NTRK1: variants seen among roughly 807,000 people sequenced by gnomAD.
NTRK1 encodes the protein neurotrophic receptor tyrosine kinase 1.
In NTRK1, 62 loss-of-function variants were observed where a neutral mutation model predicts 86.8. The ratio of observed to expected loss-of-function variants is 0.71; its 90% CI spans 0.58 to 0.88. NTRK1 has a LOEUF of 0.88. NTRK1 is among the 40% of genes least tolerant of loss of function. The probability of loss-of-function intolerance (pLI) is 0.00; values close to 1 mark genes in which losing one functional copy is unlikely to be tolerated. For synonymous variants in NTRK1, 469 were observed against 456.6 expected, an observed-to-expected ratio of 1.03 and a Z score of -0.35; for missense variants, 967 against 1,078.4, an observed-to-expected ratio of 0.90 and a Z score of 1.45.
rs139606876 is a variant in NTRK1 at position 156,876,567 on chromosome 1, C to T, written c.1800C>T (p.Phe600=). The T allele has an allele frequency of 9.3e-6, 15 of 1,611,598 alleles. No individual in the cohort carries two copies. The highest frequency in any genetic ancestry group is 1.3e-5 in the Non-Finnish European group (15 of 1,179,492). ...TGCGGCACGGGGACCTCAACCGCTT[C>T]CTCCGGTACCAGCACCTGGCCTCAG... ...EYMRHGDLNR[F]LRSHGPDAKL... is the part of the protein sequence containing the mutation. Residue 600 remains phenylalanine (F), a synonymous_variant, in exon 14 of 17, where the codon TTC becomes TTT. Coordinates refer to ENST00000524377, the MANE Select transcript of NTRK1 (RefSeq NM_002529.4).
At chr1:156,820,111 G>A (rs2102832101) in intron 1 of NTRK1, among the ~76,000 whole-genome samples, 1 of 152,134 alleles carries the variant, frequency 6.6e-6, no homozygotes, top group East Asian at 1.9e-4. Context: ...TTTCAGCCCT[G>A]AGATTTAAGT....
At chr1:156,817,168 A>G (rs1304570025) in intron 1 of NTRK1, among the ~76,000 whole-genome samples, 1 of 151,868 alleles carries the variant, frequency 6.6e-6, no homozygotes, top group Non-Finnish European at 1.5e-5. Context: ...TGTCAACCTC[A>G]AGGATAAGCC....
chr1:156,823,992 C>T (rs1654256470), intron 1 of NTRK1, among the ~76,000 whole-genome samples: 1 of 152,184 alleles, frequency 6.6e-6, no homozygotes, highest in Non-Finnish European at 1.5e-5. Flanking sequence ...AGTGCTGGGC[C>T]TGGATGAGGC....
intron 3 of NTRK1, among the ~76,000 whole-genome samples, chr1:156,866,658 C>T (rs1655945422): frequency 2.0e-5 from 3 of 152,160 alleles, no homozygotes; most frequent in Non-Finnish European, 2.9e-5. Flanking sequence ...ATCCCCCTCC[C>T]TGGGGTCTGG....
intron 6 of NTRK1, among the ~76,000 whole-genome samples, chr1:156,870,112 A>C (rs936439472): frequency 2.0e-5 from 3 of 152,224 alleles, no homozygotes; most frequent in Non-Finnish European, 4.4e-5. Context: ...AGTGAGTAAA[A>C]GAAAGGGGAC....
intron 3 of NTRK1, among the ~76,000 whole-genome samples, chr1:156,865,715 T>C (rs1655899682): frequency 6.6e-6 from 1 of 152,138 alleles, no homozygotes; most frequent in Non-Finnish European, 1.5e-5. Context: ...GGTCATGGGA[T>C]GGGCAGGAGA....
intron 1 of NTRK1, chr1:156,816,186 G>C (rs1653914042): frequency 1.3e-6 from 2 of 1,496,784 alleles, no homozygotes; most frequent in Admixed American, 2.4e-5. Context: ...AGGGGATCTG[G>C]AGGGCTGGGA....
At chr1:156,870,708 T>C (rs1647502174) in intron 6 of NTRK1, among the ~76,000 whole-genome samples, 1 of 152,204 alleles carries the variant, frequency 6.6e-6, no homozygotes, top group Non-Finnish European at 1.5e-5. Context: ...ATAAATGAGA[T>C]TTATCCACCA....
At chr1:156,863,106 C>T (rs1655755301) in intron 1 of NTRK1, among the ~76,000 whole-genome samples, 1 of 152,134 alleles carries the variant, frequency 6.6e-6, no homozygotes, top group Non-Finnish European at 1.5e-5. Flanking sequence ...CATGTCACTA[C>T]AGGGCAGCCG....
rs199628251 is a variant in NTRK1, at chr1:156,868,166, A to G, written c.491A>G (p.Glu164Gly). 2 of 1,613,828 alleles carry G rather than the reference A, an allele frequency of 1.2e-6. No homozygotes were observed. Among genetic ancestry groups the G allele is most frequent in the East Asian group, 2.2e-5 (1 of 44,876 alleles). The change falls in exon 5 of 17, where the codon GAG becomes GGG. Residue 164 changes from glutamate (E) to glycine (G), a missense_variant. Transcript: ENST00000524377. ...CALRWLQRWEEEGLGGVPEQK... is the reference protein window; with the variant it reads ...CALRWLQRWEGEGLGGVPEQK... Reference sequence around the variant, plus strand: ...CTGCGCTGGCTACAGCGCTGGGAGGAGGAGGGACTGGGCGGAGTGCCTGAA... The same window carrying G: ...CTGCGCTGGCTACAGCGCTGGGAGGGGGAGGGACTGGGCGGAGTGCCTGAA...
intron 1 of NTRK1, chr1:156,841,906 C>G: frequency 1.3e-6 from 2 of 1,584,742 alleles, no homozygotes; most frequent in Non-Finnish European, 1.7e-6. Flanking sequence ...CACCAAGAAC[C>G]CTGGAAAGTA....
intron 2 of NTRK1, chr1:156,849,233 G>T (rs1655119385): frequency 1.2e-6 from 2 of 1,613,052 alleles, no homozygotes; most frequent in Non-Finnish European, 1.7e-6. Context: ...CGGCACTGGG[G>T]TTGGGGTCTC....
chr1:156,826,510 T>C (rs4661060), intron 1 of NTRK1, among the ~76,000 whole-genome samples: 123,678 of 151,850 alleles, frequency 0.81, 50,566 homozygotes, highest in African/African-American at 0.89. Flanking sequence ...ACCTTGGTCT[T>C]GATCTCCTGA....
In NTRK1 at chr1:156,880,089, T is replaced by C. The variant is rs2102927573; in HGVS notation, c.2137T>C (p.Phe713Leu). ...CACCACCGAGAGCGACGTGTGGAGC[T>C]TCGGCGTGGTGCTCTGGGAGATCTT... ...KFTTESDVWS[F>L]GVVLWEIFTY... Residue 713 changes from phenylalanine to leucine, a missense_variant, in exon 16 of 17, where the codon TTC (phenylalanine) becomes CTC (leucine). Physicochemically the swap from Phe to Leu is conservative, Grantham distance 22. Transcript: ENST00000524377. 6.2e-7 allele frequency: 1 copy of C among 1,611,840 alleles called. No individual in the cohort carries two copies. Among genetic ancestry groups the C allele is most frequent in the African/African-American group, 1.3e-5 (1 of 74,160 alleles).
intron 2 of NTRK1, chr1:156,844,808 C>T: frequency 1.9e-6 from 3 of 1,614,112 alleles, no homozygotes; most frequent in South Asian, 2.2e-5. Context: ...CTGGAGGCCT[C>T]CCAGGCCACC....
At chr1:156,824,509 T>G (rs545987509) in intron 1 of NTRK1, among the ~76,000 whole-genome samples, 2 of 152,336 alleles carry the variant, frequency 1.3e-5, no homozygotes, top group African/African-American at 4.8e-5. Context: ...CTGGTTTGAA[T>G]GTATCCCTCC....
chr1:156,881,031 T>C (rs754494698), intron 16 of NTRK1, among the ~76,000 whole-genome samples: 7 of 152,234 alleles, frequency 4.6e-5, no homozygotes, highest in African/African-American at 9.7e-5. Context: ...AAGCCAGCTA[T>C]TTTTCACGCC....
Position 156,842,914 on chromosome 1 carries a change from G to A in NTRK1, c.50+721G>A, listed in dbSNP as rs921989048. 7 of 990,330 alleles carry A rather than the reference G, an allele frequency of 7.1e-6. No individual in the cohort carries two copies. The African/African-American group carries it at 1.1e-4, about 16-fold the overall frequency. 61.3% of individuals were successfully genotyped at this position (990,330 alleles called of 1,614,324 possible). A position where few individuals can be genotyped will look rare whatever the true frequency, so the allele number is the denominator to read the frequency against. ...CATGGTCCCAATCTTGACCTTAATG[G>A]TGCCCTAACCTCATCTCTGACCCTT... On this transcript the variant is annotated intron_variant, in intron 2 of 16. Transcript: ENST00000392302.
Position 156,860,896 on chromosome 1 carries a change from AGAC to A in NTRK1, c.-37_-35del. The stretch of plus-strand genomic sequence containing the variant: ...CTGGCAGCTGCAGCTGGGAGCGCAC[AGAC>A]GGCTGCCCCGCCTGAGCGAGGCGGG... On this transcript the variant is annotated 5_prime_UTR_variant, in exon 1 of 17. Transcript: ENST00000524377. The A allele has an allele frequency of 7.1e-7, 1 of 1,410,430 alleles. No homozygotes were observed. The highest frequency in any genetic ancestry group is 1.6e-5 in the South Asian group (1 of 63,960). The allele number at this position is 1,410,430 out of a possible 1,614,324, so 87.4% of individuals were successfully genotyped here.
Sources: gnomAD v4.1 joint callset for allele counts (sites outside exome capture counted in the v4.1 genomes callset) on GRCh38, gnomAD v4.1.1 for gene constraint, MANE v1.5 for transcripts, NCBI Gene and HGNC (gene_info 2026-07-23, HGNC 2026-07-21) for gene names.